The following BNC2 variants were observed in gnomAD, a reference collection of about 807,000 sequenced individuals.
The protein encoded by BNC2 is basonuclin zinc finger protein 2, also known as zinc finger protein basonuclin-2.
BNC2 carries 20 observed loss-of-function variants against 76.3 expected under a neutral mutation model. The observed-to-expected ratio is 0.26, with a 90% confidence interval of 0.18 to 0.38. BNC2 has a LOEUF of 0.38. Ranked by LOEUF, BNC2 falls within the 10% of genes least tolerant of loss-of-function variation. The pLI is 1.00. For synonymous variants in BNC2, 582 were observed against 514.8 expected (o/e 1.13, Z -1.77); for missense variants, 1,382 against 1,399.8 (o/e 0.99, Z 0.20).
At chr9:16,578,892 G>A (rs1819556247) in intron 4 of BNC2, among the ~76,000 whole-genome samples, 1 of 152,096 alleles carries the variant, frequency 6.6e-6, no homozygotes, top group African/African-American at 2.4e-5. Flanking sequence ...CAGTAAACTG[G>A]AGTCCTTTTA....
chr9:16,698,061 T>C (rs560943543), intron 3 of BNC2, among the ~76,000 whole-genome samples: 2 of 152,306 alleles, frequency 1.3e-5, no homozygotes, highest in South Asian at 4.1e-4. Context: ...CTTTTGTAAA[T>C]AAAGTTTTAT....
intron 1 of BNC2, among the ~76,000 whole-genome samples, chr9:16,741,873 G>A (rs1234925583): frequency 2.2e-5 from 3 of 138,574 alleles, no homozygotes; most frequent in East Asian, 2.2e-4. Flanking sequence ...CACGAGAATC[G>A]CTTGAACTCA....
chr9:16,506,508 CTCCTCTTTTTTTTTTTTTTTTTTT>C (rs1449419434), intron 5 of BNC2, among the ~76,000 whole-genome samples: 1 of 127,170 alleles, frequency 7.9e-6, no homozygotes, highest in African/African-American at 3.4e-5. Context: ...CTCTCTCTCT[CTCCTCTTTTTTTTTTTTTTTTTTT>C]TTTTTTTTTT....
At chr9:16,671,251 T>C (rs1822469508) in intron 3 of BNC2, among the ~76,000 whole-genome samples, 1 of 152,090 alleles carries the variant, frequency 6.6e-6, no homozygotes, top group African/African-American at 2.4e-5. Context: ...CCACATCACA[T>C]CGGCTCCTCC....
chr9:16,765,996 C>T (rs891168266), intron 1 of BNC2, among the ~76,000 whole-genome samples: 7 of 151,988 alleles, frequency 4.6e-5, no homozygotes, highest in African/African-American at 1.2e-4. Flanking sequence ...ACCGTGTTAG[C>T]CAGGATGTTC....
intron 5 of BNC2, among the ~76,000 whole-genome samples, chr9:16,492,874 T>C (rs1272012267): frequency 1.3e-5 from 2 of 152,098 alleles, no homozygotes; most frequent in Admixed American, 6.6e-5. Flanking sequence ...GTCTGAAACG[T>C]TGTGTCTTAA....
At chr9:16,529,884 T>C (rs899341875) in intron 5 of BNC2, among the ~76,000 whole-genome samples, 38 of 152,300 alleles carry the variant, frequency 2.5e-4, no homozygotes, top group African/African-American at 8.7e-4. Context: ...AGTCTCACTC[T>C]GTTGTCCAGG....
intron 3 of BNC2, among the ~76,000 whole-genome samples, chr9:16,683,200 G>C (rs903548222): frequency 6.6e-6 from 1 of 152,046 alleles, no homozygotes; most frequent in Admixed American, 6.6e-5. Context: ...GGGGATCTTG[G>C]GATTATTAAA....
intron 3 of BNC2, among the ~76,000 whole-genome samples, chr9:16,627,394 G>C (rs1255100581): frequency 6.6e-6 from 1 of 152,122 alleles, no homozygotes; most frequent in Non-Finnish European, 1.5e-5. Context: ...CAGCAGCAAT[G>C]GCATTCATTT....
intron 1 of BNC2, among the ~76,000 whole-genome samples, chr9:16,800,844 T>C (rs1817763077): frequency 6.6e-6 from 1 of 152,178 alleles, no homozygotes; most frequent in Non-Finnish European, 1.5e-5. Context: ...GCTTTAAATA[T>C]GTTTCTAAGA....
chr9:16,744,473 T>C (rs983687982), intron 1 of BNC2, among the ~76,000 whole-genome samples: 1 of 152,184 alleles, frequency 6.6e-6, no homozygotes, highest in Admixed American at 6.5e-5. Context: ...ACTGCTAAGA[T>C]GATTATTCAT....
intron 1 of BNC2, among the ~76,000 whole-genome samples, chr9:16,820,122 C>A (rs1453082358): frequency 0.015 from 1,195 of 81,562 alleles, no homozygotes; most frequent in Admixed American, 0.016. Context: ...GAGACTGTCT[C>A]AAAAAAAAAA....
chr9:16,441,887 T>C (rs999254221), intron 5 of BNC2, among the ~76,000 whole-genome samples: 5 of 152,220 alleles, frequency 3.3e-5, no homozygotes, highest in African/African-American at 1.2e-4. Flanking sequence ...GGTATTATCG[T>C]GGAATAAACA....
At chr9:16,664,707 A>AAAAACAAAAAAAAAC (rs1554702038) in intron 3 of BNC2, among the ~76,000 whole-genome samples, 10 of 151,572 alleles carry the variant, frequency 6.6e-5, no homozygotes, top group Admixed American at 3.3e-4. Context: ...ACAAAAACAA[A>AAAAACAAAAAAAAAC]AAAAACAAAA....
At chr9:16,720,087 C>G (rs919339845) in intron 3 of BNC2, among the ~76,000 whole-genome samples, 5 of 152,206 alleles carry the variant, frequency 3.3e-5, no homozygotes, top group Non-Finnish European at 1.5e-5. Flanking sequence ...AGCCAGGGCC[C>G]CTGGTTACAC....
At position 16,427,155 on chromosome 9, in the gene BNC2, A is replaced by G. The variant is rs116555765; in HGVS notation, c.2640-7506T>C. On this transcript the variant is annotated intron_variant, in intron 6 of 6. Transcript: ENST00000380672. ...CAACAGTGAGCCCTTGGGATTGTCAAAGTGCTAAGCCTTTTCCAAGGAGAG... is the reference window on the plus strand; with the variant it reads ...CAACAGTGAGCCCTTGGGATTGTCAGAGTGCTAAGCCTTTTCCAAGGAGAG... Among the ~76,000 whole-genome samples, 346 of 152,352 alleles carry G rather than the reference A, an allele frequency of 2.3e-3. 3 individuals are homozygous for G. Among genetic ancestry groups the G allele is most frequent in the African/African-American group, 7.8e-3 (323 of 41,574 alleles).
At chr9:16,585,522 T>C (rs994508397) in intron 3 of BNC2, among the ~76,000 whole-genome samples, 1 of 152,170 alleles carries the variant, frequency 6.6e-6, no homozygotes, top group African/African-American at 2.4e-5. Context: ...AATTTTCCCT[T>C]AAGAGAATTA....
At chr9:16,465,775 G>A (rs1563796763) in intron 5 of BNC2, among the ~76,000 whole-genome samples, 1 of 152,140 alleles carries the variant, frequency 6.6e-6, no homozygotes, top group Admixed American at 6.5e-5. Context: ...GTTCCACTTA[G>A]GAGATGACTG....
chr9:16,546,442 T>A (rs1818484916), intron 5 of BNC2, among the ~76,000 whole-genome samples: 1 of 152,164 alleles, frequency 6.6e-6, no homozygotes, highest in Non-Finnish European at 1.5e-5. Context: ...CTGCACATGG[T>A]ATAGCTGAAA....
Sources: allele counts gnomAD v4.1 joint callset (sites outside exome capture counted in the v4.1 genomes callset), GRCh38; gene constraint gnomAD v4.1.1; transcripts MANE v1.5; gene names NCBI Gene and HGNC (gene_info 2026-07-23, HGNC 2026-07-21).